CLPX: variants seen among roughly 807,000 people sequenced by gnomAD.
The protein encoded by CLPX is caseinolytic mitochondrial matrix peptidase chaperone subunit X, also known as ATP-dependent clpX-like chaperone, mitochondrial.
In CLPX, 34 loss-of-function variants were observed where a neutral mutation model predicts 76.4. The observed-to-expected ratio is 0.45, with a 90% CI of 0.34 to 0.59. The LOEUF is 0.59. Ranked by LOEUF, CLPX falls within the 20% of genes least tolerant of loss-of-function variation. The pLI, the probability that CLPX is intolerant of heterozygous loss-of-function variation, is 0.01. For synonymous variants in CLPX, 248 were observed against 270.9 expected (o/e 0.92, Z 0.83); for missense variants, 613 against 757.0 (o/e 0.81, Z 2.23).
At chr15:65,183,479 A>AG (rs1354706002) in intron 1 of CLPX, among the ~76,000 whole-genome samples, 2 of 150,256 alleles carry the variant, frequency 1.3e-5, no homozygotes, top group African/African-American at 4.9e-5. Context: ...AAAAAAAAAA[A>AG]AAAGAAAGAA....
At chr15:65,176,890 T>G (rs1043102292) in intron 3 of CLPX, among the ~76,000 whole-genome samples, 1 of 151,942 alleles carries the variant, frequency 6.6e-6, no homozygotes, top group African/African-American at 2.4e-5. Flanking sequence ...CCACCGCGCC[T>G]GGCAACAAAT....
chr15:65,180,687 A>T (rs1329288655), intron 1 of CLPX, among the ~76,000 whole-genome samples: 1 of 152,032 alleles, frequency 6.6e-6, no homozygotes, highest in African/African-American at 2.4e-5. Context: ...GGATCACTAG[A>T]GGTCAGGAGT....
chr15:65,155,181 T>G (rs376399690), intron 10 of CLPX, 100 bp from the exon 11 acceptor site: 1 of 1,031,226 alleles, frequency 9.7e-7, no homozygotes. Flanking sequence ...AACAACTCTA[T>G]GAAGAAGGTT....
At chr15:65,157,394 A>T (rs990861997) in intron 8 of CLPX, among the ~76,000 whole-genome samples, 2 of 152,124 alleles carry the variant, frequency 1.3e-5, no homozygotes, top group African/African-American at 4.8e-5. Flanking sequence ...AACAGGCTAA[A>T]CTGTTTCTAG....
At chr15:65,151,785 C>T (rs2087724034) in intron 13 of CLPX, among the ~76,000 whole-genome samples, 1 of 152,164 alleles carries the variant, frequency 6.6e-6, no homozygotes, top group East Asian at 1.9e-4. Flanking sequence ...AAACATAAAA[C>T]ATAACATACC....
chr15:65,162,685 T>A, intron 5 of CLPX, 40 bp from the exon 6 acceptor site: 1 of 1,232,820 alleles, frequency 8.1e-7, no homozygotes, highest in Non-Finnish European at 1.2e-6. Flanking sequence ...TTGTTTACCT[T>A]GGGGGAACAA....
chr15:65,177,018 T>A (rs1406345507), intron 3 of CLPX, among the ~76,000 whole-genome samples: 1 of 152,212 alleles, frequency 6.6e-6, no homozygotes, highest in Admixed American at 6.5e-5. Context: ...AGCCTCTGTA[T>A]AATTTTATTA....
chr15:65,176,745 G>A (rs2088096137), intron 3 of CLPX, among the ~76,000 whole-genome samples: 1 of 151,552 alleles, frequency 6.6e-6, no homozygotes, highest in Non-Finnish European at 1.5e-5. Context: ...ACAGGTGCCC[G>A]CCACCACGCC....
At chr15:65,160,816 C>G (rs1027704544) in intron 6 of CLPX, among the ~76,000 whole-genome samples, 1 of 151,894 alleles carries the variant, frequency 6.6e-6, no homozygotes, top group African/African-American at 2.4e-5. Context: ...GAGTATATGC[C>G]TTAGAACAAA....
intron 1 of CLPX, 61 bp from the exon 2 acceptor site, chr15:65,180,265 A>G: frequency 7.5e-7 from 1 of 1,332,706 alleles, no homozygotes; most frequent in Non-Finnish European, 1.0e-6. Context: ...CCCTGGAAAC[A>G]AAAATTCCTT....
intron 3 of CLPX, among the ~76,000 whole-genome samples, chr15:65,170,220 T>C (rs2087981596): frequency 6.6e-6 from 1 of 151,928 alleles, no homozygotes; most frequent in Non-Finnish European, 1.5e-5. Context: ...AGAAAGCAAT[T>C]TGGTAGAGAA....
chr15:65,153,564 C>CTCGT lies in CLPX; in HGVS notation c.1683_1686dup (p.Gly563ThrfsTer17), dbSNP rs1307223448. 1 of 1,596,232 alleles carries CTCGT rather than the reference C, an allele frequency of 6.3e-7. No homozygotes were observed. Among genetic ancestry groups the CTCGT allele is most frequent in the African/African-American group, 1.4e-5 (1 of 73,872 alleles). ...CAACTCACCATTATGGACCGAAGGC[C>CTCGT]TCGTGCACCTGTTTTTCGTTCTAGT... On this transcript the variant is annotated frameshift_variant, in exon 12 of 14. Coordinates refer to ENST00000300107, the MANE Select transcript of CLPX (RefSeq NM_006660.5). LOFTEE classifies it high-confidence loss of function.
intron 3 of CLPX, among the ~76,000 whole-genome samples, chr15:65,174,321 G>A (rs1294041434): frequency 6.6e-6 from 1 of 150,850 alleles, no homozygotes; most frequent in Non-Finnish European, 1.5e-5. Context: ...CTGGAGTGCA[G>A]TGGTGTGATC....
intron 4 of CLPX, among the ~76,000 whole-genome samples, chr15:65,165,508 C>T (rs1446626312): frequency 2.0e-5 from 3 of 151,382 alleles, no homozygotes; most frequent in African/African-American, 4.9e-5. Flanking sequence ...CTCAGCCTCC[C>T]GAGTAGCCAG....
rs377327242 is a variant in CLPX at position 65,183,940 on chromosome 15, A to ATC, written c.79+1133_79+1134dup. 1.2e-4 allele frequency among the ~76,000 whole-genome samples: 18 copies of ATC among 152,356 alleles called. No individual in the cohort carries two copies. In the East Asian group the frequency reaches 2.1e-3, roughly 18 times the overall value. On this transcript the variant is annotated intron_variant, in intron 1 of 13. Coordinates refer to ENST00000300107, the MANE Select transcript of CLPX (RefSeq NM_006660.5). ...AGTGTTTGCAAATCGAATTCCTGGA[A>ATC]TCGGGACATCTACTGGTTGAGGCTT...
Position 65,185,330 on chromosome 15 carries a change from TATTCACCAGA to T in CLPX, c.-187_-178del. The T allele has an allele frequency of 1.7e-6, 1 of 579,862 alleles. No homozygotes were observed. The highest frequency in any genetic ancestry group is 3.1e-6 in the Non-Finnish European group (1 of 326,622). The allele number at this position is 579,862 out of a possible 1,614,324, so 35.9% of individuals were successfully genotyped here. On this transcript the variant is annotated 5_prime_UTR_variant, in exon 1 of 14. Transcript: ENST00000300107. The stretch of plus-strand genomic sequence containing the variant: ...CACGCTTCTCTGCCCCACAGCCGTC[TATTCACCAGA>T]GTAGACACCCAACCCCCCCCTCCCT...
intron 1 of CLPX, 46 bp downstream of exon 1, chr15:65,185,029 C>G (rs768594822): frequency 1.5e-4 from 218 of 1,493,150 alleles, no homozygotes; most frequent in Non-Finnish European, 1.9e-4. Flanking sequence ...CCAGTCCACC[C>G]CCCCCCCGAC....
rs1248012729 is a variant in CLPX at position 65,168,965 on chromosome 15, T to A, written c.359-2180A>T. ...TTGACCTCCTAAGCTCAAGCAATCC[T>A]CCCACCTCAGCCTCCCTGAGTATCC... On this transcript the variant is annotated intron_variant, in intron 3 of 13. Coordinates refer to ENST00000300107, the MANE Select transcript of CLPX (RefSeq NM_006660.5). Among the ~76,000 whole-genome samples, 3 of 150,506 alleles carry A rather than the reference T, an allele frequency of 2.0e-5. No individual in the cohort carries two copies. The East Asian group carries it at 5.9e-4, about 29-fold the overall frequency.
chr15:65,159,937 C>A (rs144344663), intron 6 of CLPX, among the ~76,000 whole-genome samples: 1 of 151,776 alleles, frequency 6.6e-6, no homozygotes, highest in Non-Finnish European at 1.5e-5. Flanking sequence ...CTCAGCATCC[C>A]GAGTAGTTGG....
Sources: gnomAD v4.1 joint callset for allele counts (sites outside exome capture counted in the v4.1 genomes callset) on GRCh38, gnomAD v4.1.1 for gene constraint, MANE v1.5 for transcripts, NCBI Gene and HGNC (gene_info 2026-07-23, HGNC 2026-07-21) for gene names.